TBXAS1: variants seen among roughly 807,000 people sequenced by gnomAD.
The protein encoded by TBXAS1 is thromboxane-A synthase.
Under a neutral mutation model 60.7 loss-of-function variants are expected in TBXAS1, and 48 were observed. The observed-to-expected ratio is 0.79, with a 90% CI of 0.63 to 1.01. TBXAS1 has a LOEUF of 1.01. TBXAS1 is among the 50% of genes least tolerant of loss of function. TBXAS1 has a pLI of 0.00. For missense variants in TBXAS1, 685 were observed against 686.3 expected (o/e 1.00, Z 0.02); for synonymous variants, 287 against 269.7 (o/e 1.06, Z -0.63).
intron 1 of TBXAS1, among the ~76,000 whole-genome samples, chr7:139,856,959 G>C (rs1709490503): frequency 6.6e-6 from 1 of 152,198 alleles, no homozygotes; most frequent in African/African-American, 2.4e-5. Context: ...TTAGCCCTTA[G>C]GGGAGAAAGC....
At chr7:139,983,623 C>T (rs893238107) in intron 9 of TBXAS1, among the ~76,000 whole-genome samples, 30 of 152,200 alleles carry the variant, frequency 2.0e-4, no homozygotes, top group African/African-American at 6.8e-4. Flanking sequence ...TATATTTTCT[C>T]ACCTACTCAG....
chr7:139,877,182 T>C (rs1014011122), intron 3 of TBXAS1, among the ~76,000 whole-genome samples: 1 of 152,198 alleles, frequency 6.6e-6, no homozygotes, highest in African/African-American at 2.4e-5. Flanking sequence ...CAGGGAGGTG[T>C]ACTCCTCGGA....
chr7:139,990,671 G>A (rs1812822715), intron 9 of TBXAS1, among the ~76,000 whole-genome samples: 1 of 151,830 alleles, frequency 6.6e-6, no homozygotes, highest in South Asian at 2.1e-4. Context: ...CTTCTTTGCT[G>A]CCACCCTCCC....
intron 5 of TBXAS1, among the ~76,000 whole-genome samples, chr7:139,937,851 C>T (rs1399021781): frequency 1.4e-5 from 2 of 146,132 alleles, no homozygotes; most frequent in African/African-American, 2.5e-5. Flanking sequence ...TCGGAGGCCA[C>T]GTAGGACTGT....
intron 1 of TBXAS1, among the ~76,000 whole-genome samples, chr7:139,856,855 G>A (rs914234441): frequency 6.6e-6 from 1 of 152,218 alleles, no homozygotes; most frequent in Non-Finnish European, 1.5e-5. Context: ...TCAGGTGGCA[G>A]GTTGATGTCA....
chr7:139,824,059 A>G (rs1990354), intron 4 of TBXAS1, among the ~76,000 whole-genome samples: 103,930 of 152,142 alleles, frequency 0.68, 37,382 homozygotes, highest in East Asian at 0.92. Context: ...GGAAGGCACC[A>G]CTTAGACATC....
At chr7:139,879,212 A>G (rs1802493237) in intron 3 of TBXAS1, among the ~76,000 whole-genome samples, 1 of 152,158 alleles carries the variant, frequency 6.6e-6, no homozygotes, top group Non-Finnish European at 1.5e-5. Flanking sequence ...CATCACCACC[A>G]CCATCATCGA....
chr7:139,939,244 A>T (rs1304677224), intron 5 of TBXAS1, among the ~76,000 whole-genome samples: 1 of 151,818 alleles, frequency 6.6e-6, no homozygotes, highest in Non-Finnish European at 1.5e-5. Context: ...GGCACCTGTA[A>T]CCCCAGCTAC....
chr7:139,841,166 G>A (rs980608565), intron 1 of TBXAS1, among the ~76,000 whole-genome samples: 1 of 152,224 alleles, frequency 6.6e-6, no homozygotes. Context: ...GTAGCTTCAT[G>A]CCTGACTCTT....
At chr7:139,918,704 G>A (rs919690767) in intron 4 of TBXAS1, among the ~76,000 whole-genome samples, 4 of 152,158 alleles carry the variant, frequency 2.6e-5, no homozygotes, top group Admixed American at 6.5e-5. Flanking sequence ...ATAATTAGAA[G>A]AGGCCCCTTT....
At chr7:139,821,435 G>A (rs1300584705) in intron 4 of TBXAS1, among the ~76,000 whole-genome samples, 1 of 152,234 alleles carries the variant, frequency 6.6e-6, no homozygotes, top group Non-Finnish European at 1.5e-5. Context: ...AGATTGCAAT[G>A]TGATAGGTGG....
chr7:139,826,978 G>C (rs1178057336), upstream of TBXAS1, among the ~76,000 whole-genome samples: 1 of 152,070 alleles, frequency 6.6e-6, no homozygotes, highest in East Asian at 1.9e-4. Flanking sequence ...GGAACCTGAG[G>C]GTCAGGTGTG....
rs1800263654 is a variant in TBXAS1, at chr7:139,852,185, C to T, written c.90-20050C>T. ...TGAGATAATGAATGTTTGTTGTCTT[C>T]AGTCACTTAGGTCTGGGGGCAATTT... On this transcript the variant is annotated intron_variant, in intron 1 of 12. Coordinates refer to ENST00000448866, the MANE Select transcript of TBXAS1 (RefSeq NM_001061.7). The surrounding 1 kb of genome is among the most constrained non-coding windows in gnomAD (Gnocchi z 4.4). Among the ~76,000 whole-genome samples, 1 of 152,236 alleles carries T rather than the reference C, an allele frequency of 6.6e-6. No homozygotes were observed. The highest frequency in any genetic ancestry group is 2.4e-5 in the African/African-American group (1 of 41,456).
intron 3 of TBXAS1, among the ~76,000 whole-genome samples, chr7:139,892,306 C>T (rs1584782483): frequency 1.3e-5 from 2 of 152,100 alleles, no homozygotes; most frequent in East Asian, 3.9e-4. Flanking sequence ...TTAAAAAATA[C>T]TTGAGGCCAG....
intron 4 of TBXAS1, among the ~76,000 whole-genome samples, chr7:139,791,875 A>G (rs554527789): frequency 6.8e-5 from 10 of 146,104 alleles, no homozygotes; most frequent in Admixed American, 1.4e-4. Context: ...TTTTAGGTAT[A>G]ATTTTAAAGT....
chr7:139,865,716 G>A (rs1020063084), intron 1 of TBXAS1, among the ~76,000 whole-genome samples: 2 of 132,474 alleles, frequency 1.5e-5, no homozygotes, highest in Admixed American at 7.4e-5. Context: ...AGGAGGAAGA[G>A]GAGGAGGAGG....
intron 9 of TBXAS1, among the ~76,000 whole-genome samples, chr7:140,000,216 T>A (rs1285380344): frequency 6.6e-6 from 1 of 152,206 alleles, no homozygotes; most frequent in Non-Finnish European, 1.5e-5. Context: ...ATTTAAATAT[T>A]GGGCCAGGCA....
At chr7:139,918,114 AT>A (rs1279027328) in intron 4 of TBXAS1, among the ~76,000 whole-genome samples, 1 of 151,908 alleles carries the variant, frequency 6.6e-6, no homozygotes, top group Non-Finnish European at 1.5e-5. Flanking sequence ...TCTTCTTCCC[AT>A]TTTCCCTCTT....
intron 1 of TBXAS1, among the ~76,000 whole-genome samples, chr7:139,858,097 A>G (rs1800707969): frequency 6.6e-6 from 1 of 151,554 alleles, no homozygotes; most frequent in Non-Finnish European, 1.5e-5. Context: ...AGTAGAACAC[A>G]CTCCATTTTA....
Sources: allele counts gnomAD v4.1 joint callset (sites outside exome capture counted in the v4.1 genomes callset), GRCh38; gene constraint gnomAD v4.1.1; non-coding constraint Gnocchi (gnomAD v3.1); transcripts MANE v1.5; gene names NCBI Gene and HGNC (gene_info 2026-07-23, HGNC 2026-07-21).